CACNA1C: variants seen among roughly 807,000 people sequenced by gnomAD.
The protein encoded by CACNA1C is voltage-dependent L-type calcium channel subunit alpha-1C.
CACNA1C carries 30 observed loss-of-function variants against 229.0 expected under a neutral mutation model. That is an observed-to-expected ratio of 0.13 (90% CI 0.10 to 0.18). The LOEUF is 0.18. Ranked by LOEUF, CACNA1C falls within the 10% of genes least tolerant of loss-of-function variation. The pLI is 1.00. For missense variants in CACNA1C, 1,658 were observed against 2,845.0 expected, an observed-to-expected ratio of 0.58 and a Z score of 9.49; for synonymous variants, 1,114 against 1,132.5, an observed-to-expected ratio of 0.98 and a Z score of 0.33.
chr12:2,494,168 C>T (rs370967697), intron 7 of CACNA1C, among the ~76,000 whole-genome samples: 13 of 152,314 alleles, frequency 8.5e-5, no homozygotes, highest in African/African-American at 3.1e-4. Context: ...TACCACTTCT[C>T]GAGAGCCACC....
intron 1 of CACNA1C, among the ~76,000 whole-genome samples, chr12:2,031,999 G>A (rs1047727138): frequency 6.6e-6 from 1 of 151,112 alleles, no homozygotes; most frequent in African/African-American, 2.4e-5. Flanking sequence ...GTGTTTGTGT[G>A]TGTGTGTGTG....
At chr12:2,318,224 T>C (rs1006092534) in intron 3 of CACNA1C, among the ~76,000 whole-genome samples, 1 of 152,204 alleles carries the variant, frequency 6.6e-6, no homozygotes, top group African/African-American at 2.4e-5. Context: ...GCCTGGGCGC[T>C]CTCCTTCTGG....
At chr12:2,068,615 A>T (rs990579158) in intron 1 of CACNA1C, among the ~76,000 whole-genome samples, 1 of 152,220 alleles carries the variant, frequency 6.6e-6, no homozygotes, top group South Asian at 2.1e-4. Flanking sequence ...AGTGGCCCCA[A>T]GTCCTTGCCT....
intron 3 of CACNA1C, among the ~76,000 whole-genome samples, chr12:2,416,865 T>C (rs1270787272): frequency 6.6e-6 from 1 of 151,974 alleles, no homozygotes; most frequent in African/African-American, 2.4e-5. Context: ...CTGGCCAGAG[T>C]TCACACAACT....
In CACNA1C at chr12:2,684,735, A is replaced by C. The variant is rs916323043; in HGVS notation, c.5574-1001A>C. ...AAGGTGAAATGGAAGCTGGATCTGC[A>C]AGAGCCAGGGTGATTTGCATAAGAA... On this transcript the variant is annotated intron_variant, in intron 43 of 46. Coordinates refer to ENST00000399655, the MANE Select transcript of CACNA1C (RefSeq NM_000719.7). Among the ~76,000 whole-genome samples, 13 of 152,334 alleles carry C rather than the reference A, an allele frequency of 8.5e-5. 2 individuals carry two copies. The highest frequency in any genetic ancestry group is 8.5e-4 in the Admixed American group (13 of 15,308).
chr12:2,503,527 G>A (rs527936482), intron 7 of CACNA1C, among the ~76,000 whole-genome samples: 20 of 152,308 alleles, frequency 1.3e-4, no homozygotes, highest in African/African-American at 4.8e-4. Context: ...AAATGTTTAA[G>A]CATCTCTTCT....
At chr12:2,439,493 C>T (rs1471717107) in intron 3 of CACNA1C, among the ~76,000 whole-genome samples, 2 of 152,110 alleles carry the variant, frequency 1.3e-5, no homozygotes, top group Admixed American at 6.5e-5. Context: ...AAGTGAAGAG[C>T]CCAAGAGGCG....
chr12:2,201,618 T>C (rs1166539825), intron 3 of CACNA1C, among the ~76,000 whole-genome samples: 1 of 152,266 alleles, frequency 6.6e-6, no homozygotes, highest in East Asian at 1.9e-4. Flanking sequence ...TCGCTATAAA[T>C]GTCACTTTTT....
At chr12:2,457,001 G>C (rs779066125) in intron 4 of CACNA1C, among the ~76,000 whole-genome samples, 5 of 152,214 alleles carry the variant, frequency 3.3e-5, no homozygotes, top group African/African-American at 4.8e-5. Flanking sequence ...TTACGTGCAC[G>C]TGTGGTTCTA....
At position 2,605,226 on chromosome 12, in the gene CACNA1C, C is replaced by T; in HGVS notation, c.3048+58C>T. ...CCAGCCCATTGGGGAGTGGGAGCTC[C>T]ACAGAGGTGAGGGGTGGGTTGGAAG... On this transcript the variant is annotated intron_variant, in intron 23 of 46. Coordinates refer to ENST00000399655, the MANE Select transcript of CACNA1C (RefSeq NM_000719.7). This position sits in a 1 kb window ranked among gnomAD's most constrained non-coding sequence, Gnocchi z 6.2. 1 of 1,223,896 alleles carries T rather than the reference C, an allele frequency of 8.2e-7. No individual in the cohort carries two copies. The highest frequency in any genetic ancestry group is 1.2e-6 in the Non-Finnish European group (1 of 827,066). The allele number at this position is 1,223,896 out of a possible 1,614,324, so 75.8% of individuals were successfully genotyped here. A position where few individuals can be genotyped will look rare whatever the true frequency, so the allele number is the denominator to read the frequency against.
chr12:2,680,980 T>C (rs921208177), intron 42 of CACNA1C, among the ~76,000 whole-genome samples: 2 of 152,252 alleles, frequency 1.3e-5, no homozygotes, highest in Middle Eastern at 3.4e-3. Flanking sequence ...AGGCATCTAG[T>C]CTTGGGGGCC....
intron 1 of CACNA1C, among the ~76,000 whole-genome samples, chr12:1,977,754 TAAGTA>T (rs1322970785): frequency 6.6e-6 from 1 of 152,252 alleles, no homozygotes; most frequent in Non-Finnish European, 1.5e-5. Context: ...AAATGCATTC[TAAGTA>T]TAGTGAGCAA....
At chr12:2,079,754 C>T (rs574846620) in intron 1 of CACNA1C, among the ~76,000 whole-genome samples, 1 of 151,980 alleles carries the variant, frequency 6.6e-6, no homozygotes, top group Non-Finnish European at 1.5e-5. Context: ...CCCATAGGAC[C>T]CTTCAAAAAT....
At chr12:2,150,965 T>G (rs2095199500) in intron 3 of CACNA1C, among the ~76,000 whole-genome samples, 2 of 152,216 alleles carry the variant, frequency 1.3e-5, no homozygotes, top group Non-Finnish European at 2.9e-5. Context: ...CCTGTGTCTT[T>G]GGGTCCTGCA....
At chr12:2,163,807 C>T (rs2096056260) in intron 3 of CACNA1C, among the ~76,000 whole-genome samples, 1 of 152,106 alleles carries the variant, frequency 6.6e-6, no homozygotes, top group Non-Finnish European at 1.5e-5. Context: ...GGGTCACGGC[C>T]CTGTACAAAG....
intron 3 of CACNA1C, among the ~76,000 whole-genome samples, chr12:2,146,161 T>C (rs12304852): frequency 1.3e-5 from 2 of 151,152 alleles, no homozygotes; most frequent in Admixed American, 6.7e-5. Context: ...CACGTTTAGA[T>C]TGGGGCAAGG....
intron 10 of CACNA1C, among the ~76,000 whole-genome samples, chr12:2,555,076 C>T (rs962088344): frequency 5.9e-5 from 9 of 152,248 alleles, no homozygotes; most frequent in African/African-American, 2.2e-4. Flanking sequence ...CTGTCCATTT[C>T]GTGCTCAGAA....
At chr12:2,421,029 T>A (rs756123385) in intron 3 of CACNA1C, among the ~76,000 whole-genome samples, 20 of 152,196 alleles carry the variant, frequency 1.3e-4, no homozygotes, top group Non-Finnish European at 2.6e-4. Flanking sequence ...GGTAAACTAT[T>A]AGTGACTAAC....
chr12:2,507,389 T>C (rs1332897567), intron 8 of CACNA1C, among the ~76,000 whole-genome samples: 1 of 152,156 alleles, frequency 6.6e-6, no homozygotes, highest in Non-Finnish European at 1.5e-5. Flanking sequence ...CCCCGCCCCA[T>C]GCAGTGCCAA....
Sources: allele counts gnomAD v4.1 joint callset (sites outside exome capture counted in the v4.1 genomes callset), GRCh38; gene constraint gnomAD v4.1.1; non-coding constraint Gnocchi (gnomAD v3.1); transcripts MANE v1.5; gene names NCBI Gene and HGNC (gene_info 2026-07-23, HGNC 2026-07-21).